Variants in DARS1 observed in about 807,000 individuals in gnomAD.
DARS1 encodes the protein aspartate--tRNA ligase, cytoplasmic.
In DARS1, 51 loss-of-function variants were observed where a neutral mutation model predicts 68.8. That is an observed-to-expected ratio of 0.74 (90% CI 0.59 to 0.94). DARS1 has a LOEUF of 0.94. Among genes scored for constraint, DARS1 ranks in the 40% least tolerant of loss-of-function variants. The pLI is 0.00. For synonymous variants in DARS1, 203 were observed against 190.4 expected, an observed-to-expected ratio of 1.07 and a Z score of -0.55; for missense variants, 607 against 597.3, an observed-to-expected ratio of 1.02 and a Z score of -0.17.
At chr2:135,946,050 A>G (rs1412399896) in intron 4 of DARS1, among the ~76,000 whole-genome samples, 1 of 152,184 alleles carries the variant, frequency 6.6e-6, no homozygotes, top group African/African-American at 2.4e-5. Context: ...AGAAGAAAAA[A>G]CATTAAAATC....
intron 3 of DARS1, 34 bp downstream of exon 3, chr2:135,979,240 A>G (rs1311240956): frequency 2.2e-6 from 2 of 918,454 alleles, no homozygotes; most frequent in Non-Finnish European, 3.6e-6. Flanking sequence ...CGGAGTCCTT[A>G]CCGAAAGAGC....
intron 12 of DARS1, among the ~76,000 whole-genome samples, chr2:135,913,930 A>T (rs1226031357): frequency 6.6e-6 from 1 of 152,228 alleles, no homozygotes; most frequent in Non-Finnish European, 1.5e-5. Context: ...CTAGTCTAAC[A>T]GTTTCAACTG....
intron 5 of DARS1, among the ~76,000 whole-genome samples, chr2:135,934,517 G>A (rs1681424569): frequency 6.6e-6 from 1 of 152,024 alleles, no homozygotes. Flanking sequence ...AGCTACTTGG[G>A]TGGCTGAGGC....
chr2:135,937,115 G>T (rs1479973864), intron 5 of DARS1, among the ~76,000 whole-genome samples: 2 of 152,000 alleles, frequency 1.3e-5, no homozygotes, highest in Non-Finnish European at 2.9e-5. Context: ...TTGAGATGGG[G>T]TCTCACTTAG....
At chr2:135,944,046 C>T (rs1305669494) in intron 4 of DARS1, among the ~76,000 whole-genome samples, 1 of 151,896 alleles carries the variant, frequency 6.6e-6, no homozygotes, top group Non-Finnish European at 1.5e-5. Flanking sequence ...TAAAAGGGTG[C>T]CTATATGAAG....
At chr2:135,939,755 C>T (rs527539750) in intron 5 of DARS1, among the ~76,000 whole-genome samples, 14 of 151,848 alleles carry the variant, frequency 9.2e-5, no homozygotes, top group East Asian at 3.9e-4. Context: ...ACTGACAGAC[C>T]GCTAGCAAGA....
rs568588636 is a variant in DARS1 at position 135,934,308 on chromosome 2, C to T, written c.424-318G>A. Among the ~76,000 whole-genome samples the T allele has an allele frequency of 5.3e-5, 8 of 152,186 alleles. No individual in the cohort carries two copies. The South Asian group carries it at 6.2e-4, about 12-fold the overall frequency. On this transcript the variant is annotated intron_variant, in intron 5 of 15. Transcript: ENST00000264161. ...TGACTGGGGTGTAGGCACTGGCTTA[C>T]GGTCTAGCTATGTCAAAAAAGCTAT...
rs758451060 is a variant in DARS1, at chr2:135,924,406, T to C, written c.657A>G (p.Gln219=). The C allele has an allele frequency of 1.3e-6, 2 of 1,598,040 alleles. No individual in the cohort carries two copies. The highest frequency in any genetic ancestry group is 1.1e-5 in the South Asian group (1 of 87,134). The change falls in exon 8 of 16, where the codon CAA becomes CAG. Residue 219 remains glutamine, a synonymous_variant. Coordinates refer to ENST00000264161, the MANE Select transcript of DARS1 (RefSeq NM_001349.4). The part of the protein sequence containing the change: ...TLINKGFVEI[Q]TPKIISAASE... ...GCATACCTGAAATAATTTTAGGAGT[T>C]TGGATTTCCACAAAACCTTTGTTAA...
intron 4 of DARS1, among the ~76,000 whole-genome samples, chr2:135,955,673 C>CTTTTTTTTT (rs75123258): frequency 6.5e-5 from 4 of 61,334 alleles, no homozygotes; most frequent in African/African-American, 1.5e-4. Flanking sequence ...AAATAAAAAT[C>CTTTTTTTTT]TTTTTTTTTT....
Position 135,979,256 on chromosome 2 carries a change from T to C in DARS1, c.217+18A>G. 9.6e-7 allele frequency: 1 copy of C among 1,044,748 alleles called. No individual in the cohort carries two copies. The highest frequency in any genetic ancestry group is 1.5e-6 in the Non-Finnish European group (1 of 664,114). 64.7% of individuals were successfully genotyped at this position (1,044,748 alleles called of 1,614,324 possible). On this transcript the variant is annotated intron_variant, in intron 3 of 15. Transcript: ENST00000264161. The stretch of plus-strand genomic sequence containing the variant: ...GGAGTCCTTACCGAAAGAGCTTTAA[T>C]AATGAAACCAATCCTACCTTTAGCT...
chr2:135,917,508 C>T (rs1184801229), intron 10 of DARS1, among the ~76,000 whole-genome samples: 2 of 152,202 alleles, frequency 1.3e-5, no homozygotes, highest in East Asian at 3.9e-4. Context: ...CAGGGTCCCA[C>T]TCTGTTGCTC....
chr2:135,930,741 G>C (rs944942141), intron 7 of DARS1, among the ~76,000 whole-genome samples: 2 of 152,122 alleles, frequency 1.3e-5, no homozygotes, highest in African/African-American at 4.8e-5. Flanking sequence ...ATTCTCAAGA[G>C]GGAAGACTAA....
intron 8 of DARS1, among the ~76,000 whole-genome samples, chr2:135,923,327 T>C (rs941321556): frequency 6.6e-6 from 1 of 152,198 alleles, no homozygotes; most frequent in Non-Finnish European, 1.5e-5. Context: ...TCTTGCTCTG[T>C]CACCCAGGCT....
chr2:135,913,433 T>C (rs546681045), intron 12 of DARS1, among the ~76,000 whole-genome samples: 2 of 152,078 alleles, frequency 1.3e-5, no homozygotes, highest in Non-Finnish European at 2.9e-5. Flanking sequence ...ATGCTTACTA[T>C]GTGACCTAGA....
chr2:135,923,510 G>T (rs930438195), intron 8 of DARS1, among the ~76,000 whole-genome samples: 1 of 151,940 alleles, frequency 6.6e-6, no homozygotes, highest in East Asian at 1.9e-4. Context: ...GGCTGGTCTC[G>T]AACTCCTGAC....
At chr2:135,933,696 T>C (rs1681403822) in intron 6 of DARS1, among the ~76,000 whole-genome samples, 1 of 152,084 alleles carries the variant, frequency 6.6e-6, no homozygotes, top group Admixed American at 6.5e-5. Context: ...TATATACCAA[T>C]AAAAACAAAA....
intron 3 of DARS1, 56 bp downstream of exon 3, chr2:135,979,218 A>T (rs951117111): frequency 3.6e-6 from 3 of 838,226 alleles, no homozygotes; most frequent in Non-Finnish European, 6.2e-6. Flanking sequence ...GGAATATGTA[A>T]GACAAAAAAT....
At chr2:135,957,854 C>T (rs1025999039) in intron 4 of DARS1, among the ~76,000 whole-genome samples, 2 of 151,930 alleles carry the variant, frequency 1.3e-5, no homozygotes, top group Non-Finnish European at 2.9e-5. Flanking sequence ...ATGCTTATAG[C>T]CCTTAACTTT....
chr2:135,910,637 CA>C (rs944671416), intron 15 of DARS1, among the ~76,000 whole-genome samples: 1 of 151,912 alleles, frequency 6.6e-6, no homozygotes, highest in Non-Finnish European at 1.5e-5. Context: ...TTGTATTTTC[CA>C]AAAAACCCCA....
Sources: allele counts gnomAD v4.1 joint callset (sites outside exome capture counted in the v4.1 genomes callset), GRCh38; gene constraint gnomAD v4.1.1; transcripts MANE v1.5; gene names NCBI Gene and HGNC (gene_info 2026-07-23, HGNC 2026-07-21).